The following RGS6 variants were observed in gnomAD, a reference collection of about 807,000 sequenced individuals.
The protein encoded by RGS6 is regulator of G protein signaling 6, also known as regulator of G-protein signaling 6.
RGS6 carries 30 observed loss-of-function variants against 78.5 expected under a neutral mutation model. That is an observed-to-expected ratio of 0.38 (90% CI 0.29 to 0.52). The LOEUF (loss-of-function observed/expected upper bound fraction) is 0.52. Ranked by LOEUF, RGS6 falls within the 20% of genes least tolerant of loss-of-function variation. The pLI is 0.85. For missense variants in RGS6, 495 were observed against 609.7 expected (o/e 0.81, Z 1.98); for synonymous variants, 206 against 206.0 (o/e 1.00, Z 0.00).
chr14:72,233,676 G>T (rs749617263), intron 2 of RGS6, among the ~76,000 whole-genome samples: 1 of 152,148 alleles, frequency 6.6e-6, no homozygotes, highest in African/African-American at 2.4e-5. Flanking sequence ...CTATACAAAC[G>T]TTCACAGTGA....
chr14:71,918,993 T>C, the RGS6 span, among the ~76,000 whole-genome samples: 2 of 151,776 alleles, frequency 1.3e-5, no homozygotes, highest in African/African-American at 4.8e-5. Flanking sequence ...TTTTCCTTTT[T>C]TTTTTCCCAA....
chr14:72,108,154 A>G (rs986200573), intron 2 of RGS6, among the ~76,000 whole-genome samples: 1 of 152,270 alleles, frequency 6.6e-6, no homozygotes, highest in African/African-American at 2.4e-5. Flanking sequence ...GTGTTCTTAC[A>G]TGTTGAAAGA....
At chr14:72,096,093 A>T (rs980045480) in intron 2 of RGS6, among the ~76,000 whole-genome samples, 1 of 152,130 alleles carries the variant, frequency 6.6e-6, no homozygotes, top group Admixed American at 6.5e-5. Context: ...ACATGGTGAA[A>T]CCCCATCTCT....
At chr14:72,252,146 T>G (rs538709279) in intron 2 of RGS6, among the ~76,000 whole-genome samples, 1 of 152,182 alleles carries the variant, frequency 6.6e-6, no homozygotes, top group East Asian at 1.9e-4. Flanking sequence ...CCCTGGAGGG[T>G]TAAGGAATGC....
At chr14:71,978,872 C>A (rs150295242) in intron 2 of RGS6, among the ~76,000 whole-genome samples, 7 of 144,414 alleles carry the variant, frequency 4.8e-5, no homozygotes, top group African/African-American at 1.8e-4. Flanking sequence ...GGTAGAATTC[C>A]GCTGTGAATC....
At chr14:72,278,548 T>C (rs1366078884) in intron 2 of RGS6, among the ~76,000 whole-genome samples, 2 of 152,226 alleles carry the variant, frequency 1.3e-5, no homozygotes, top group Admixed American at 6.5e-5. Context: ...ATGCCTGTTT[T>C]CAGGGAACTT....
At chr14:72,280,726 C>T (rs1442629870) in intron 2 of RGS6, among the ~76,000 whole-genome samples, 4 of 152,168 alleles carry the variant, frequency 2.6e-5, no homozygotes, top group Non-Finnish European at 4.4e-5. Context: ...CACATTCATC[C>T]AGAGAGATAG....
chr14:72,414,150 A>G (rs2093630842), intron 3 of RGS6, among the ~76,000 whole-genome samples: 1 of 152,198 alleles, frequency 6.6e-6, no homozygotes, highest in Non-Finnish European at 1.5e-5. Context: ...CCTGGATAAT[A>G]TCCTGCAGAG....
At chr14:72,390,297 C>T (rs1247773010) in intron 3 of RGS6, among the ~76,000 whole-genome samples, 1 of 151,940 alleles carries the variant, frequency 6.6e-6, no homozygotes, top group Non-Finnish European at 1.5e-5. Context: ...GGGGTTTTGC[C>T]ATGTTGGCCA....
chr14:72,501,501 C>A (rs1244902579), intron 13 of RGS6, among the ~76,000 whole-genome samples: 2 of 152,140 alleles, frequency 1.3e-5, no homozygotes, highest in East Asian at 1.9e-4. Context: ...GGTGACAGAA[C>A]AAGACCCCTA....
At chr14:72,030,477 A>G (rs774500754) in intron 2 of RGS6, among the ~76,000 whole-genome samples, 28 of 152,332 alleles carry the variant, frequency 1.8e-4, no homozygotes, top group Non-Finnish European at 3.7e-4. Flanking sequence ...TATCATGGAC[A>G]TGGTTGATTA....
intron 2 of RGS6, among the ~76,000 whole-genome samples, chr14:72,013,271 C>CAAAAAAAA (rs59579709): frequency 3.5e-4 from 27 of 77,026 alleles, no homozygotes; most frequent in African/African-American, 4.2e-4. Flanking sequence ...ACTCCGTCTC[C>CAAAAAAAA]AAAAAAAAAA....
the RGS6 span, among the ~76,000 whole-genome samples, chr14:71,926,374 A>G: frequency 6.6e-6 from 1 of 152,226 alleles, no homozygotes; most frequent in Admixed American, 6.5e-5. Context: ...ACCTGAGGTC[A>G]GGGGTTTTAG....
intron 3 of RGS6, among the ~76,000 whole-genome samples, chr14:72,383,160 G>A (rs2152899812): frequency 1.0e-5 from 1 of 98,880 alleles, no homozygotes; most frequent in East Asian, 2.6e-4. Flanking sequence ...TATATTTACA[G>A]CCATGAAAAA....
chr14:72,409,258 A>G (rs996998246), intron 3 of RGS6, among the ~76,000 whole-genome samples: 5 of 152,232 alleles, frequency 3.3e-5, no homozygotes, highest in Non-Finnish European at 7.3e-5. Flanking sequence ...CAGCACCCAG[A>G]ACCAGAAAAG....
At chr14:72,073,761 T>C (rs1009234296) in intron 2 of RGS6, among the ~76,000 whole-genome samples, 1 of 152,198 alleles carries the variant, frequency 6.6e-6, no homozygotes, top group African/African-American at 2.4e-5. Context: ...GAAACAATGT[T>C]ACTGTAGGAC....
intron 17 of RGS6, chr14:72,541,489 C>T (rs1399276613): frequency 6.5e-7 from 1 of 1,535,720 alleles, no homozygotes. Context: ...AACACAAGGC[C>T]TGCGGGTGCC....
chr14:72,093,366 T>C (rs1416479036), intron 2 of RGS6, among the ~76,000 whole-genome samples: 1 of 152,016 alleles, frequency 6.6e-6, no homozygotes, highest in African/African-American at 2.4e-5. Flanking sequence ...CCTCAGCCTC[T>C]TGAGTAGCTG....
chr14:72,562,990 G>A lies in RGS6; in HGVS notation c.*523G>A, dbSNP rs982512651. The A allele has an allele frequency of 6.9e-6, 4 of 583,924 alleles. No homozygotes were observed. The highest frequency in any genetic ancestry group is 2.8e-5 in the East Asian group (1 of 35,106). The allele number at this position is 583,924 out of a possible 1,614,324, so 36.2% of individuals were successfully genotyped here. A position where few individuals can be genotyped will look rare whatever the true frequency, so the allele number is the denominator to read the frequency against. Reference sequence around the variant, plus strand: ...ATCCCTCACGTCTCTGTGGCCACCCGGGTGTCACTGCCAGCACCAGGCACT... The same window carrying A: ...ATCCCTCACGTCTCTGTGGCCACCCAGGTGTCACTGCCAGCACCAGGCACT... On this transcript the variant is annotated 3_prime_UTR_variant, in exon 18 of 18. Coordinates refer to ENST00000553525, the MANE Select transcript of RGS6 (RefSeq NM_001204424.2).
Sources: allele counts gnomAD v4.1 joint callset (sites outside exome capture counted in the v4.1 genomes callset), GRCh38; gene constraint gnomAD v4.1.1; transcripts MANE v1.5; gene names NCBI Gene and HGNC (gene_info 2026-07-23, HGNC 2026-07-21).